The following RIMS2 variants were observed in gnomAD, a reference collection of about 807,000 sequenced individuals.
The protein encoded by RIMS2 is regulating synaptic membrane exocytosis protein 2.
In RIMS2, 59 loss-of-function variants were observed where a neutral mutation model predicts 174.4. The ratio of observed to expected loss-of-function variants is 0.34; its 90% CI spans 0.27 to 0.42. The LOEUF is 0.42. Among genes scored for constraint, RIMS2 ranks in the 10% least tolerant of loss-of-function variants. RIMS2 has a pLI of 1.00. For synonymous variants in RIMS2, 606 were observed against 572.5 expected (o/e 1.06, Z -0.84); for missense variants, 1,620 against 1,666.3 (o/e 0.97, Z 0.48).
chr8:103,900,939 A>G (rs1213882147), intron 4 of RIMS2, among the ~76,000 whole-genome samples: 1 of 152,038 alleles, frequency 6.6e-6, no homozygotes, highest in Non-Finnish European at 1.5e-5. Context: ...TAGATTGGGC[A>G]TATCTTCATT....
At chr8:103,805,166 T>G (rs1157761653) in intron 3 of RIMS2, among the ~76,000 whole-genome samples, 1 of 152,190 alleles carries the variant, frequency 6.6e-6, no homozygotes, top group Non-Finnish European at 1.5e-5. Flanking sequence ...TTAATAATGG[T>G]ACTAATTGTT....
intron 19 of RIMS2, among the ~76,000 whole-genome samples, chr8:104,244,318 A>C (rs992277239): frequency 2.0e-5 from 3 of 152,202 alleles, no homozygotes; most frequent in African/African-American, 4.8e-5. Context: ...TCTTTCTGAA[A>C]GTTACCAATA....
intron 2 of RIMS2, among the ~76,000 whole-genome samples, chr8:103,736,634 T>A (rs2097689110): frequency 6.6e-6 from 1 of 152,184 alleles, no homozygotes; most frequent in African/African-American, 2.4e-5. Flanking sequence ...TCTTTATAAT[T>A]ACTCACGTTT....
chr8:103,608,947 T>G (rs201514873), intron 1 of RIMS2, among the ~76,000 whole-genome samples: 1 of 152,112 alleles, frequency 6.6e-6, no homozygotes, highest in Non-Finnish European at 1.5e-5. Flanking sequence ...GAAATCACCC[T>G]TCTTCTGCGT....
At chr8:104,103,648 A>G (rs916910490) in intron 19 of RIMS2, among the ~76,000 whole-genome samples, 1 of 151,854 alleles carries the variant, frequency 6.6e-6, no homozygotes, top group Non-Finnish European at 1.5e-5. Context: ...TTGAAGATGA[A>G]TAAAACACAG....
intron 17 of RIMS2, among the ~76,000 whole-genome samples, chr8:104,003,657 G>A (rs757108344): frequency 6.6e-6 from 1 of 152,134 alleles, no homozygotes; most frequent in South Asian, 2.1e-4. Context: ...CAGGTGATCC[G>A]CCTGCTTTGG....
chr8:103,960,939 T>C, intron 14 of RIMS2, 126 bp from the exon 17 acceptor site: 1 of 679,860 alleles, frequency 1.5e-6, no homozygotes, highest in Non-Finnish European at 2.6e-6. Context: ...AGGACTTTTC[T>C]TCTGTACATA....
At chr8:103,525,964 G>A (rs1308046366) in intron 1 of RIMS2, among the ~76,000 whole-genome samples, 1 of 152,188 alleles carries the variant, frequency 6.6e-6, no homozygotes, top group Non-Finnish European at 1.5e-5. Flanking sequence ...GTGGAGACAA[G>A]ATCCTGGAGA....
intron 1 of RIMS2, among the ~76,000 whole-genome samples, chr8:103,580,621 C>A (rs1481328775): frequency 6.6e-6 from 1 of 152,088 alleles, no homozygotes; most frequent in Non-Finnish European, 1.5e-5. Context: ...GGGACACATG[C>A]AATCTAAGAA....
At chr8:103,872,398 T>C (rs1565033160) in intron 3 of RIMS2, among the ~76,000 whole-genome samples, 1 of 152,226 alleles carries the variant, frequency 6.6e-6, no homozygotes, top group Non-Finnish European at 1.5e-5. Flanking sequence ...TGAGCGTAGA[T>C]GTCTTAAAGA....
At chr8:104,014,178 GA>G (rs1233343760) in intron 18 of RIMS2, among the ~76,000 whole-genome samples, 1 of 152,096 alleles carries the variant, frequency 6.6e-6, no homozygotes, top group African/African-American at 2.4e-5. Flanking sequence ...CTGGTAGAAA[GA>G]AAAGTACTAC....
chr8:104,217,371 T>C (rs1298120263), intron 19 of RIMS2, among the ~76,000 whole-genome samples: 1 of 152,098 alleles, frequency 6.6e-6, no homozygotes, highest in Non-Finnish European at 1.5e-5. Flanking sequence ...AGGGCCTAAG[T>C]GATCCTCCCG....
intron 1 of RIMS2, among the ~76,000 whole-genome samples, chr8:103,590,933 A>C (rs1438163277): frequency 1.3e-5 from 2 of 150,958 alleles, no homozygotes; most frequent in Admixed American, 6.6e-5. Flanking sequence ...ATCGTAGGGC[A>C]GGTTTATGTT....
intron 22 of RIMS2, among the ~76,000 whole-genome samples, chr8:104,250,403 G>A (rs1246835411): frequency 1.3e-5 from 2 of 152,040 alleles, no homozygotes; most frequent in Non-Finnish European, 2.9e-5. Context: ...ACCTGGCACT[G>A]GTGATTAAGA....
At chr8:104,013,701 T>G (rs1345419884) in intron 18 of RIMS2, 80 bp downstream of exon 20, 6 of 1,127,374 alleles carry the variant, frequency 5.3e-6, no homozygotes, top group Non-Finnish European at 7.9e-6. Context: ...TTAACTGGTC[T>G]CTTCTATCAT....
chr8:103,925,436 T>C (rs939661601), intron 10 of RIMS2, among the ~76,000 whole-genome samples: 1 of 151,598 alleles, frequency 6.6e-6, no homozygotes, highest in South Asian at 2.1e-4. Context: ...ATGACAGGTT[T>C]TTTTGAGCTT....
intron 3 of RIMS2, among the ~76,000 whole-genome samples, chr8:103,858,445 A>G (rs1451070866): frequency 1.3e-5 from 2 of 152,086 alleles, no homozygotes; most frequent in Non-Finnish European, 1.5e-5. Context: ...GGATTATCAT[A>G]TAAAATCAGA....
chr8:103,863,479 C>G (rs2099069054), intron 3 of RIMS2, among the ~76,000 whole-genome samples: 1 of 152,046 alleles, frequency 6.6e-6, no homozygotes, highest in Non-Finnish European at 1.5e-5. Context: ...TAGGGAGGTG[C>G]TACTCCTCAA....
At chr8:104,082,365 G>C (rs1405829752) in intron 19 of RIMS2, among the ~76,000 whole-genome samples, 3 of 152,078 alleles carry the variant, frequency 2.0e-5, no homozygotes, top group Non-Finnish European at 4.4e-5. Flanking sequence ...TGTGTTGAAT[G>C]ATATAATTTT....
Sources: allele counts gnomAD v4.1 joint callset (sites outside exome capture counted in the v4.1 genomes callset), GRCh38; gene constraint gnomAD v4.1.1; transcripts MANE v1.5; gene names NCBI Gene and HGNC (gene_info 2026-07-23, HGNC 2026-07-21).